The following VEPH1 variants were observed in gnomAD, a reference collection of about 807,000 sequenced individuals.
VEPH1 encodes ventricular zone-expressed PH domain-containing protein homolog 1.
Under a neutral mutation model 85.2 loss-of-function variants are expected in VEPH1, and 80 were observed. The ratio of observed to expected loss-of-function variants is 0.94; its 90% CI spans 0.78 to 1.13. The LOEUF (loss-of-function observed/expected upper bound fraction) is 1.13. VEPH1 is among the 50% of genes most tolerant of loss of function. The pLI is 0.00. For missense variants in VEPH1, 955 were observed against 980.5 expected, an observed-to-expected ratio of 0.97 and a Z score of 0.35; for synonymous variants, 297 against 348.0, an observed-to-expected ratio of 0.85 and a Z score of 1.63.
intron 7 of VEPH1, among the ~76,000 whole-genome samples, chr3:157,376,115 C>T (rs1728071450): frequency 6.6e-6 from 1 of 152,126 alleles, no homozygotes; most frequent in Non-Finnish European, 1.5e-5. Flanking sequence ...TTGCCATCAT[C>T]ATCCTCTCTC....
intron 4 of VEPH1, among the ~76,000 whole-genome samples, chr3:157,455,835 G>A (rs1413769960): frequency 6.6e-5 from 10 of 152,098 alleles, no homozygotes; most frequent in African/African-American, 1.9e-4. Flanking sequence ...ATTGATGGGC[G>A]TTTAGGTTGA....
Position 157,479,137 on chromosome 3 carries a change from T to G in VEPH1, c.139-8608A>C, listed in dbSNP as rs557338454. Reference sequence around the variant, plus strand: ...TTTTTCTGACTTGCATTCCAGAAAATATCATGTTCTTTTGAAATACATATG... The same window carrying G: ...TTTTTCTGACTTGCATTCCAGAAAAGATCATGTTCTTTTGAAATACATATG... On this transcript the variant is annotated intron_variant, in intron 2 of 13. Transcript: ENST00000362010. Among the ~76,000 whole-genome samples, 15 of 152,234 alleles carry G rather than the reference T, an allele frequency of 9.9e-5. No homozygotes were observed. The East Asian group carries it at 2.7e-3, about 27-fold the overall frequency.
chr3:157,279,379 C>T lies in VEPH1; in HGVS notation c.2128+7178G>A, dbSNP rs114470332. 7.4e-3 allele frequency among the ~76,000 whole-genome samples: 1,121 copies of T among 152,200 alleles called. 5 individuals are homozygous for T. The highest frequency in any genetic ancestry group is 0.012 in the Non-Finnish European group (783 of 68,012). On this transcript the variant is annotated intron_variant, in intron 12 of 13. Transcript: ENST00000362010. ...CCATGTGCAGTGCATGGGTGACTTG[C>T]AGGTTGTTAATGACTACAGAGAGAG...
chr3:157,316,736 G>GCT (rs1720791642), intron 10 of VEPH1, among the ~76,000 whole-genome samples: 1 of 151,890 alleles, frequency 6.6e-6, no homozygotes, highest in South Asian at 2.1e-4. Flanking sequence ...ACAAATCAAG[G>GCT]CTAGAACTAC....
At chr3:157,468,254 C>T (rs1037667552) in intron 3 of VEPH1, among the ~76,000 whole-genome samples, 7 of 152,230 alleles carry the variant, frequency 4.6e-5, no homozygotes, top group Non-Finnish European at 8.8e-5. Context: ...AGCCACTGAC[C>T]ATGGGATGCT....
At chr3:157,381,029 A>C (rs933046465) in intron 7 of VEPH1, 127 bp downstream of exon 7, 1 of 897,366 alleles carries the variant, frequency 1.1e-6, no homozygotes, top group Admixed American at 2.5e-5. Context: ...CATAATTTAT[A>C]CAGATATTAT....
intron 12 of VEPH1, among the ~76,000 whole-genome samples, chr3:157,272,375 TTTTCTTTC>T (rs758495924): frequency 0.044 from 4,170 of 94,838 alleles, 106 homozygotes; most frequent in Middle Eastern, 0.096. Context: ...TTTCTCTTTC[TTTTCTTTC>T]TTTCTTTCTT....
chr3:157,345,480 A>G (rs1447798552), intron 9 of VEPH1, among the ~76,000 whole-genome samples: 2 of 152,234 alleles, frequency 1.3e-5, no homozygotes, highest in African/African-American at 2.4e-5. Flanking sequence ...CCACAATGAG[A>G]TATCATCTCA....
At chr3:157,455,446 C>T (rs372653584) in intron 4 of VEPH1, among the ~76,000 whole-genome samples, 21 of 149,066 alleles carry the variant, frequency 1.4e-4, no homozygotes, top group African/African-American at 5.2e-4. Context: ...TCTTTAAGTT[C>T]AGGGGTACAT....
intron 4 of VEPH1, among the ~76,000 whole-genome samples, chr3:157,455,640 T>C (rs1735313336): frequency 6.6e-6 from 1 of 152,150 alleles, no homozygotes; most frequent in Non-Finnish European, 1.5e-5. Context: ...GGTATTGTCA[T>C]AATTTAGCTC....
chr3:157,369,179 T>TAAAAAAA (rs1560000948), intron 7 of VEPH1, among the ~76,000 whole-genome samples: 1 of 15,052 alleles, frequency 6.6e-5, no homozygotes, highest in Non-Finnish European at 1.2e-4. Context: ...AAAAACCAAA[T>TAAAAAAA]GAAAAAAAAA....
intron 12 of VEPH1, among the ~76,000 whole-genome samples, chr3:157,279,839 A>C (rs1715861358): frequency 2.6e-5 from 4 of 152,056 alleles, no homozygotes; most frequent in Admixed American, 2.0e-4. Context: ...AACATGGTGA[A>C]ACCCTGTATC....
intron 2 of VEPH1, among the ~76,000 whole-genome samples, chr3:157,480,292 A>T (rs995601013): frequency 5.9e-5 from 9 of 152,060 alleles, no homozygotes; most frequent in South Asian, 2.1e-4. Context: ...CTTTTTAAAA[A>T]TTTTTTATAA....
intron 5 of VEPH1, among the ~76,000 whole-genome samples, chr3:157,420,370 C>T (rs1400039323): frequency 1.3e-5 from 2 of 152,100 alleles, no homozygotes; most frequent in Non-Finnish European, 2.9e-5. Flanking sequence ...ATTATGTACA[C>T]ACACACATAC....
At chr3:157,272,440 C>CTTTCTTTCTTTCT (rs1491059636) in intron 12 of VEPH1, among the ~76,000 whole-genome samples, 2 of 49,906 alleles carry the variant, frequency 4.0e-5, no homozygotes, top group African/African-American at 7.2e-5. Context: ...TCTTTCTTTC[C>CTTTCTTTCTTTCT]TTCTCTCTCT....
chr3:157,304,365 A>T (rs900056238), intron 11 of VEPH1, among the ~76,000 whole-genome samples: 1 of 152,186 alleles, frequency 6.6e-6, no homozygotes, highest in Admixed American at 6.5e-5. Flanking sequence ...TGTAAGGGAC[A>T]TAGTTTTGAG....
chr3:157,497,612 C>T (rs1402193433), intron 1 of VEPH1, among the ~76,000 whole-genome samples: 1 of 152,166 alleles, frequency 6.6e-6, no homozygotes, highest in Non-Finnish European at 1.5e-5. Flanking sequence ...ACATGTGGCA[C>T]TCCATGAAGT....
chr3:157,493,706 A>G (rs1739418282), intron 2 of VEPH1, among the ~76,000 whole-genome samples: 1 of 152,194 alleles, frequency 6.6e-6, no homozygotes, highest in African/African-American at 2.4e-5. Flanking sequence ...GCCAGCCTTA[A>G]TGGCTAACCA....
intron 7 of VEPH1, among the ~76,000 whole-genome samples, chr3:157,376,471 T>C (rs891277690): frequency 5.3e-5 from 8 of 152,224 alleles, no homozygotes; most frequent in Non-Finnish European, 7.3e-5. Flanking sequence ...TTGAAAGGTA[T>C]AGATCTCTTC....
Sources: gnomAD v4.1 joint callset for allele counts (sites outside exome capture counted in the v4.1 genomes callset) on GRCh38, gnomAD v4.1.1 for gene constraint, MANE v1.5 for transcripts, NCBI Gene and HGNC (gene_info 2026-07-23, HGNC 2026-07-21) for gene names.